The following ATP13A5 variants were observed in gnomAD, a reference collection of about 807,000 sequenced individuals.
ATP13A5 encodes ATPase 13A5.
ATP13A5 carries 149 observed loss-of-function variants against 150.2 expected under a neutral mutation model. The ratio of observed to expected loss-of-function variants is 0.99; its 90% confidence interval spans 0.87 to 1.14. The LOEUF (loss-of-function observed/expected upper bound fraction) is 1.14. Ranked by LOEUF, ATP13A5 falls within the 50% of genes most tolerant of loss-of-function variation. The probability of loss-of-function intolerance (pLI) is 0.00; values close to 1 mark genes in which losing one functional copy is unlikely to be tolerated. For missense variants in ATP13A5, 1,383 were observed against 1,449.3 expected (o/e 0.95, Z 0.74); for synonymous variants, 497 against 522.2 (o/e 0.95, Z 0.66).
intron 3 of ATP13A5, among the ~76,000 whole-genome samples, 154 bp from the exon 4 acceptor site, chr3:193,362,791 T>TTCTCTCTTTCTTTCTCTCTTTCTTTCTC (rs1360581870): frequency 5.6e-4 from 43 of 76,264 alleles, no homozygotes; most frequent in East Asian, 2.0e-3. Flanking sequence ...CTTTCTTTCT[T>TTCTCTCTTTCTTTCTCTCTTTCTTTCTC]TCTTTCTTTC....
At chr3:193,324,801 G>T in intron 14 of ATP13A5, 63 bp downstream of exon 14, 3 of 1,554,946 alleles carry the variant, frequency 1.9e-6, no homozygotes, top group Non-Finnish European at 2.6e-6. Flanking sequence ...AATTAGAAAA[G>T]CTTCAGCACT....
At position 193,374,519 on chromosome 3, in the gene ATP13A5, C is replaced by T. The variant is rs556462312; in HGVS notation, c.63+4144G>A. On this transcript the variant is annotated intron_variant, in intron 1 of 29. Coordinates refer to ENST00000342358, the MANE Select transcript of ATP13A5 (RefSeq NM_198505.4). Reference sequence around the variant, plus strand: ...AATTAACCAGCTGTTGTAGCGCATGCCTTTGGTCCCAGCTATATGGGAGGC... The same window carrying T: ...AATTAACCAGCTGTTGTAGCGCATGTCTTTGGTCCCAGCTATATGGGAGGC... Among the ~76,000 whole-genome samples the T allele has an allele frequency of 1.6e-3, 250 of 152,098 alleles. 2 individuals carry two copies. Among genetic ancestry groups the T allele is most frequent in the Non-Finnish European group, 1.3e-3 (90 of 67,996 alleles).
At chr3:193,283,354 C>A (rs1349633544) in intron 27 of ATP13A5, among the ~76,000 whole-genome samples, 1 of 151,702 alleles carries the variant, frequency 6.6e-6, no homozygotes, top group Non-Finnish European at 1.5e-5. Context: ...TGCATAAAGA[C>A]AATGGAAAAA....
At chr3:193,365,474 G>C (rs1425091638) in intron 1 of ATP13A5, among the ~76,000 whole-genome samples, 8 of 152,086 alleles carry the variant, frequency 5.3e-5, no homozygotes, top group African/African-American at 1.9e-4. Context: ...CTGCTTTTAA[G>C]CATGTTTTCT....
chr3:193,340,152 T>C (rs894992930), intron 9 of ATP13A5, among the ~76,000 whole-genome samples: 3 of 152,184 alleles, frequency 2.0e-5, no homozygotes, highest in African/African-American at 7.2e-5. Context: ...TACATTTGGC[T>C]CCCTGTGCTG....
intron 1 of ATP13A5, among the ~76,000 whole-genome samples, chr3:193,378,356 G>A (rs1397082453): frequency 6.6e-6 from 1 of 152,142 alleles, no homozygotes; most frequent in African/African-American, 2.4e-5. Flanking sequence ...GATAATAAGG[G>A]GGAGACACCC....
At chr3:193,314,870 A>AT (rs1718988885) in intron 18 of ATP13A5, 102 bp downstream of exon 18, 1 of 1,456,684 alleles carries the variant, frequency 6.9e-7, no homozygotes, top group African/African-American at 1.4e-5. Context: ...ACAACAGAAC[A>AT]TTTTTCCCTG....
At chr3:193,349,133 T>A (rs958004973) in intron 7 of ATP13A5, among the ~76,000 whole-genome samples, 1 of 152,232 alleles carries the variant, frequency 6.6e-6, no homozygotes, top group Non-Finnish European at 1.5e-5. Context: ...AAATTGCAAA[T>A]ACACAGTTTC....
In ATP13A5 at chr3:193,310,229, A is replaced by G. The variant is rs1248222688; in HGVS notation, c.2525+409T>C. Among the ~76,000 whole-genome samples the G allele has an allele frequency of 2.6e-5, 4 of 152,252 alleles. No homozygotes were observed. The South Asian group carries it at 8.3e-4, about 32-fold the overall frequency. The stretch of plus-strand genomic sequence containing the variant: ...CTTTTTTATGACTGCACTGTATTCC[A>G]TGGTGTGTACGTACCACATTTTCTT... On this transcript the variant is annotated intron_variant, in intron 21 of 29. Transcript: ENST00000342358.
intron 1 of ATP13A5, among the ~76,000 whole-genome samples, chr3:193,374,301 C>CAGAG (rs4019161): frequency 0.026 from 3,767 of 144,272 alleles, 144 homozygotes; most frequent in African/African-American, 0.087. Context: ...CACACACACA[C>CAGAG]AGAGAGAGAG....
chr3:193,291,133 T>G (rs1378708830), intron 25 of ATP13A5, among the ~76,000 whole-genome samples: 1 of 152,294 alleles, frequency 6.6e-6, no homozygotes, highest in South Asian at 2.1e-4. Flanking sequence ...TCATGTAAAC[T>G]CCTTGGTCCT....
chr3:193,295,870 C>G (rs542710994), intron 25 of ATP13A5, among the ~76,000 whole-genome samples: 1 of 152,202 alleles, frequency 6.6e-6, no homozygotes, highest in African/African-American at 2.4e-5. Context: ...TTGTTAGGAG[C>G]AATGTAAACT....
intron 26 of ATP13A5, 29 bp downstream of exon 26, chr3:193,289,856 C>A: frequency 6.5e-7 from 1 of 1,537,180 alleles, no homozygotes; most frequent in South Asian, 1.3e-5. Flanking sequence ...AATTACCTTT[C>A]GAAAGCAGCA....
chr3:193,275,325 A>C (rs763207060), intron 29 of ATP13A5, 23 bp from the exon 30 acceptor site: 32 of 1,609,110 alleles, frequency 2.0e-5, no homozygotes, highest in Middle Eastern at 3.3e-4. Flanking sequence ...ATGGGAAAAC[A>C]ATCAATTTAT....
Position 193,275,188 on chromosome 3 carries a change from G to A in ATP13A5, c.3511C>T (p.Pro1171Ser). ...QKKLAEDSTWPPINRTDYSGD... is the reference protein window; with the variant it reads ...QKKLAEDSTWSPINRTDYSGD... ...GAATAATCTGTCCTGTTTATGGGAGGCCAGGTTGAGTCTTCTGCTAGCTTC... is the reference window on the plus strand; with the variant it reads ...GAATAATCTGTCCTGTTTATGGGAGACCAGGTTGAGTCTTCTGCTAGCTTC... Residue 1171 changes from proline to serine, a missense_variant, in exon 30 of 30, where the codon CCT (proline) becomes TCT (serine). Transcript: ENST00000342358. 1 of 1,614,132 alleles carries A rather than the reference G, an allele frequency of 6.2e-7. No homozygotes were observed. Among genetic ancestry groups the A allele is most frequent in the Non-Finnish European group, 8.5e-7 (1 of 1,180,022 alleles).
chr3:193,318,285 C>T (rs1158650357), intron 17 of ATP13A5, among the ~76,000 whole-genome samples: 2 of 152,222 alleles, frequency 1.3e-5, no homozygotes, highest in Non-Finnish European at 2.9e-5. Context: ...TTATCAGCAA[C>T]ACAAATCCAA....
In ATP13A5 at chr3:193,321,720, C is replaced by T; in HGVS notation, c.1876G>A (p.Ala626Thr). The T allele has an allele frequency of 6.2e-7, 1 of 1,614,162 alleles. No individual in the cohort carries two copies. The highest frequency in any genetic ancestry group is 8.5e-7 in the Non-Finnish European group (1 of 1,180,008). The change falls in exon 16 of 30, where the codon GCC becomes ACC. Residue 626 changes from alanine to threonine, a missense_variant. By Grantham distance (58) the Ala-to-Thr change is moderately conservative. Around this residue, in one of 3 missense-constraint regions of ATP13A5, gnomAD observed 787 missense variants for 771.9 expected, o/e 1.02. Coordinates refer to ENST00000342358, the MANE Select transcript of ATP13A5 (RefSeq NM_198505.4). ...ENHFHVYMKG[A>T]PEMVARFCRS... ...CAGAACCTGGCCACCATTTCTGGGGCACCTTTCATGTAGACATGGAAATGA... is the reference window on the plus strand; with the variant it reads ...CAGAACCTGGCCACCATTTCTGGGGTACCTTTCATGTAGACATGGAAATGA...
In ATP13A5 at chr3:193,289,978, A is replaced by G; in HGVS notation, c.2930T>C (p.Ile977Thr). The G allele has an allele frequency of 6.2e-7, 1 of 1,613,012 alleles. No individual in the cohort carries two copies. Among genetic ancestry groups the G allele is most frequent in the East Asian group, 2.2e-5 (1 of 44,832 alleles). Residue 977 changes from isoleucine (I) to threonine (T), a missense_variant, in exon 26 of 30, where the codon ATA becomes ACA. Physicochemically the swap from Ile to Thr is moderately conservative, Grantham distance 89. Around this residue, in one of 3 missense-constraint regions of ATP13A5, gnomAD observed 568 missense variants for 621.5 expected, o/e 0.91. Coordinates refer to ENST00000342358, the MANE Select transcript of ATP13A5 (RefSeq NM_198505.4). ...GCAGGAGAAACAGGAATTCAAAAAT[A>G]TTGAAAGCAGTAAAGGGGGAGAAAG... ...QLLSPPLLLS[I>T]FLNSCFSCIV... is the part of the protein sequence containing the mutation.
chr3:193,298,137 C>T (rs574885540), intron 25 of ATP13A5, among the ~76,000 whole-genome samples: 1 of 152,112 alleles, frequency 6.6e-6, no homozygotes, highest in Non-Finnish European at 1.5e-5. Context: ...ATGGCCTTCA[C>T]CTCCATGCTG....
Sources: allele counts gnomAD v4.1 joint callset (sites outside exome capture counted in the v4.1 genomes callset), GRCh38; gene constraint gnomAD v4.1.1; regional missense constraint gnomAD v4.1.1; transcripts MANE v1.5; gene names NCBI Gene and HGNC (gene_info 2026-07-23, HGNC 2026-07-21).